Variants in PRKCA observed in about 807,000 individuals in gnomAD.
PRKCA encodes the protein protein kinase C alpha.
A neutral mutation model predicts 87.0 loss-of-function variants in PRKCA; 27 were observed. The ratio of observed to expected loss-of-function variants is 0.31; its 90% CI spans 0.23 to 0.43. PRKCA has a LOEUF of 0.43. Among genes scored for constraint, PRKCA ranks in the 20% least tolerant of loss-of-function variants. PRKCA has a pLI of 1.00. For missense variants in PRKCA, 518 were observed against 852.3 expected (o/e 0.61, Z 4.88); for synonymous variants, 329 against 311.1 (o/e 1.06, Z -0.61).
intron 2 of PRKCA, among the ~76,000 whole-genome samples, chr17:66,372,357 C>T (rs752175465): frequency 2.0e-5 from 3 of 152,164 alleles, no homozygotes; most frequent in African/African-American, 7.2e-5. Context: ...GACACCCACT[C>T]GGAGTTTTCT....
chr17:66,587,895 G>GTGTATATATATATA (rs1485055138), intron 3 of PRKCA, among the ~76,000 whole-genome samples: 2 of 85,394 alleles, frequency 2.3e-5, no homozygotes, highest in South Asian at 9.0e-4. Flanking sequence ...GTGTGTGTGT[G>GTGTATATATATATA]TATATATATA....
intron 2 of PRKCA, among the ~76,000 whole-genome samples, chr17:66,379,308 C>T (rs1909655889): frequency 6.6e-6 from 1 of 152,210 alleles, no homozygotes; most frequent in African/African-American, 2.4e-5. Context: ...CACATCTTCA[C>T]CAACATTTAT....
intron 14 of PRKCA, among the ~76,000 whole-genome samples, chr17:66,783,803 G>A (rs567376044): frequency 3.3e-5 from 5 of 152,286 alleles, no homozygotes; most frequent in Non-Finnish European, 5.9e-5. Context: ...CTGTGACTTG[G>A]CCCCTGCAGC....
chr17:66,736,628 G>A (rs1974035984), intron 10 of PRKCA, among the ~76,000 whole-genome samples: 1 of 152,204 alleles, frequency 6.6e-6, no homozygotes, highest in African/African-American at 2.4e-5. Flanking sequence ...CATGGCATTG[G>A]AGCATAAGGA....
intron 3 of PRKCA, among the ~76,000 whole-genome samples, chr17:66,586,129 T>TCGTTGCTATGGTTGC (rs1449946056): frequency 6.6e-6 from 1 of 152,330 alleles, no homozygotes; most frequent in Non-Finnish European, 1.5e-5. Flanking sequence ...GTTGTCATTG[T>TCGTTGCTATGGTTGC]CGTTGCTATG....
rs1237502967 is a variant in PRKCA at position 66,466,685 on chromosome 17, T to G, written c.206-29516T>G. ...AAACATCGTTCTTTTCTTTATTAAA[T>G]TTTTGGTGTAATGCACAAAAACTTG... is the stretch of plus-strand genomic sequence containing the variant. On this transcript the variant is annotated intron_variant, in intron 2 of 16. Coordinates refer to ENST00000413366, the MANE Select transcript of PRKCA (RefSeq NM_002737.3). 2.0e-5 allele frequency among the ~76,000 whole-genome samples: 3 copies of G among 152,216 alleles called. No individual in the cohort carries two copies. The East Asian group carries it at 5.8e-4, about 29-fold the overall frequency.
intron 2 of PRKCA, among the ~76,000 whole-genome samples, chr17:66,388,588 C>A (rs1420072296): frequency 6.6e-6 from 1 of 152,204 alleles, no homozygotes; most frequent in African/African-American, 2.4e-5. Flanking sequence ...AGCCACTGTG[C>A]CCAGCCGATA....
At chr17:66,574,932 C>T (rs542136266) in intron 3 of PRKCA, among the ~76,000 whole-genome samples, 1 of 152,302 alleles carries the variant, frequency 6.6e-6, no homozygotes, top group South Asian at 2.1e-4. Flanking sequence ...CTCTCCCTCT[C>T]TGAAAATATC....
At chr17:66,406,632 G>C (rs1197486465) in intron 2 of PRKCA, among the ~76,000 whole-genome samples, 1 of 112,358 alleles carries the variant, frequency 8.9e-6, no homozygotes, top group Non-Finnish European at 1.8e-5. Context: ...AAAGATACCG[G>C]TGGATATGAA....
At chr17:66,374,623 C>G (rs866725296) in intron 2 of PRKCA, among the ~76,000 whole-genome samples, 9 of 152,070 alleles carry the variant, frequency 5.9e-5, no homozygotes, top group South Asian at 2.1e-4. Flanking sequence ...AGCAGGCTTC[C>G]TGGTCTGTGG....
At chr17:66,560,302 A>G (rs1968638990) in intron 3 of PRKCA, among the ~76,000 whole-genome samples, 1 of 152,206 alleles carries the variant, frequency 6.6e-6, no homozygotes, top group Non-Finnish European at 1.5e-5. Flanking sequence ...GGAAATCAAG[A>G]AAAGAGCAAA....
chr17:66,618,790 C>A (rs1234879319), intron 3 of PRKCA, among the ~76,000 whole-genome samples: 1 of 152,210 alleles, frequency 6.6e-6, no homozygotes, highest in Non-Finnish European at 1.5e-5. Flanking sequence ...TAGACCTTTG[C>A]TGAGAATCTG....
At position 66,421,699 on chromosome 17, in the gene PRKCA, A is replaced by AT. The variant is rs775159872; in HGVS notation, c.206-74484dup. Among the ~76,000 whole-genome samples the AT allele has an allele frequency of 6.3e-3, 860 of 136,346 alleles. 3 individuals carry two copies. Among genetic ancestry groups the AT allele is most frequent in the Non-Finnish European group, 9.7e-3 (612 of 62,900 alleles). The allele number at this position is 136,346 out of a possible 152,430, so 89.4% of individuals were successfully genotyped here. ...AGGCACCCGCCACCAGGCCTGGCTA[A>AT]TTTTTTTTTTTTTTTTTTCTTTTAG... On this transcript the variant is annotated intron_variant, in intron 2 of 16. Coordinates refer to ENST00000413366, the MANE Select transcript of PRKCA (RefSeq NM_002737.3).
chr17:66,472,180 G>A (rs1391350988), intron 2 of PRKCA, among the ~76,000 whole-genome samples: 1 of 152,110 alleles, frequency 6.6e-6, no homozygotes, highest in Non-Finnish European at 1.5e-5. Context: ...CCCAGGAGTG[G>A]TCCTCTGGCT....
chr17:66,340,476 G>A (rs1397255162), intron 2 of PRKCA, among the ~76,000 whole-genome samples: 2 of 151,632 alleles, frequency 1.3e-5, no homozygotes, highest in African/African-American at 4.8e-5. Flanking sequence ...AGCAGACAGG[G>A]GTCCATAAGG....
intron 8 of PRKCA, among the ~76,000 whole-genome samples, chr17:66,723,086 C>T (rs772671276): frequency 1.9e-4 from 29 of 152,286 alleles, no homozygotes; most frequent in Non-Finnish European, 3.5e-4. Flanking sequence ...TGGGAGCCCA[C>T]GGGGATGTGC....
intron 5 of PRKCA, 34 bp downstream of exon 5, chr17:66,645,545 G>C (rs762480930): frequency 1.2e-6 from 2 of 1,613,074 alleles, no homozygotes; most frequent in Non-Finnish European, 1.7e-6. Context: ...AGCATCGTGG[G>C]CAGGCATTTG....
chr17:66,465,341 A>G (rs906386265), intron 2 of PRKCA, among the ~76,000 whole-genome samples: 1 of 152,184 alleles, frequency 6.6e-6, no homozygotes, highest in Admixed American at 6.5e-5. Flanking sequence ...TTGACTTATC[A>G]TAATGGTATA....
chr17:66,611,798 G>A (rs1467675275), intron 3 of PRKCA, among the ~76,000 whole-genome samples: 1 of 152,166 alleles, frequency 6.6e-6, no homozygotes, highest in Non-Finnish European at 1.5e-5. Context: ...TGAGTTGAGG[G>A]TTCTGATTTC....
Sources: allele counts gnomAD v4.1 joint callset (sites outside exome capture counted in the v4.1 genomes callset), GRCh38; gene constraint gnomAD v4.1.1; transcripts MANE v1.5; gene names NCBI Gene and HGNC (gene_info 2026-07-23, HGNC 2026-07-21).